PDE4B: variants seen among roughly 807,000 people sequenced by gnomAD.
PDE4B encodes 3',5'-cyclic-AMP phosphodiesterase 4B.
A neutral mutation model predicts 82.2 loss-of-function variants in PDE4B; 20 were observed. The observed-to-expected ratio is 0.24, with a 90% CI of 0.17 to 0.35. PDE4B has a LOEUF of 0.35. Among genes scored for constraint, PDE4B ranks in the 10% least tolerant of loss-of-function variants. The probability of loss-of-function intolerance (pLI) is 1.00; values close to 1 mark genes in which losing one functional copy is unlikely to be tolerated. For missense variants in PDE4B, 655 were observed against 907.2 expected, an observed-to-expected ratio of 0.72 and a Z score of 3.57; for synonymous variants, 320 against 318.9, an observed-to-expected ratio of 1.00 and a Z score of -0.04.
chr1:66,170,906 C>T (rs536469722), intron 3 of PDE4B, among the ~76,000 whole-genome samples: 168 of 152,200 alleles, frequency 1.1e-3, no homozygotes, highest in African/African-American at 3.6e-3. Context: ...AGGAGTATGG[C>T]CATACATTTT....
At chr1:65,846,981 A>G (rs1487528323) in intron 1 of PDE4B, among the ~76,000 whole-genome samples, 1 of 152,242 alleles carries the variant, frequency 6.6e-6, no homozygotes, top group Non-Finnish European at 1.5e-5. Context: ...AACTGTAACA[A>G]CAAAGCAGCA....
intron 3 of PDE4B, among the ~76,000 whole-genome samples, chr1:66,188,272 C>CCACATAGGTGGTCCAAATAGGTGTGG (rs1647371775): frequency 6.8e-6 from 1 of 147,618 alleles, no homozygotes; most frequent in Non-Finnish European, 1.5e-5. Context: ...GTCAATTTTG[C>CCACATAGGTGGTCCAAATAGGTGTGG]AATAGGTGTG....
intron 7 of PDE4B, chr1:66,266,663 A>G (rs559036256): frequency 1.3e-5 from 7 of 518,986 alleles, no homozygotes; most frequent in Middle Eastern, 3.2e-4. Flanking sequence ...CTAACCTCTC[A>G]TCTTTCAGGA....
At chr1:66,134,800 G>A (rs1646022540) in intron 3 of PDE4B, among the ~76,000 whole-genome samples, 1 of 152,164 alleles carries the variant, frequency 6.6e-6, no homozygotes, top group Admixed American at 6.5e-5. Context: ...TGTGCCATGT[G>A]CCAAATACTT....
At chr1:66,025,058 G>C (rs1653361423) in intron 3 of PDE4B, among the ~76,000 whole-genome samples, 2 of 151,900 alleles carry the variant, frequency 1.3e-5, no homozygotes, top group South Asian at 4.1e-4. Context: ...TTATAGCTTT[G>C]TTAATTATTT....
At chr1:66,364,567 G>A (rs903978015) in intron 12 of PDE4B, among the ~76,000 whole-genome samples, 3 of 152,170 alleles carry the variant, frequency 2.0e-5, no homozygotes, top group African/African-American at 7.2e-5. Flanking sequence ...GATTCAGTTT[G>A]GAAGGTGAAA....
intron 8 of PDE4B, among the ~76,000 whole-genome samples, chr1:66,340,010 C>T (rs550343459): frequency 6.6e-6 from 1 of 152,182 alleles, no homozygotes; most frequent in South Asian, 2.1e-4. Context: ...GTGGAGATAG[C>T]TCAGACATCT....
intron 1 of PDE4B, among the ~76,000 whole-genome samples, chr1:65,891,131 G>T (rs907922048): frequency 1.6e-4 from 24 of 152,116 alleles, no homozygotes; most frequent in African/African-American, 5.5e-4. Flanking sequence ...ATTATCATTT[G>T]CCATTTGTGG....
At chr1:65,967,680 T>C (rs1319255669) in intron 3 of PDE4B, among the ~76,000 whole-genome samples, 1 of 152,174 alleles carries the variant, frequency 6.6e-6, no homozygotes, top group African/African-American at 2.4e-5. Flanking sequence ...CATGGAATAC[T>C]ACGCAGCCAT....
At chr1:65,853,688 C>A (rs6698162) in intron 1 of PDE4B, among the ~76,000 whole-genome samples, 80,140 of 151,766 alleles carry the variant, frequency 0.53, 21,387 homozygotes, top group Non-Finnish European at 0.57. Flanking sequence ...CACCACCACG[C>A]ACAGCTAATT....
intron 3 of PDE4B, among the ~76,000 whole-genome samples, chr1:65,922,777 G>T: frequency 6.6e-6 from 1 of 152,174 alleles, no homozygotes; most frequent in Non-Finnish European, 1.5e-5. Context: ...GAGTAAGGCG[G>T]CAGAAAGAGG....
intron 1 of PDE4B, among the ~76,000 whole-genome samples, chr1:65,841,363 A>G (rs1646205504): frequency 6.8e-6 from 1 of 147,102 alleles, no homozygotes; most frequent in African/African-American, 2.5e-5. Flanking sequence ...AGAAAGAGAG[A>G]GAAAGGGAAA....
chr1:66,177,939 T>C (rs767460233), intron 3 of PDE4B, among the ~76,000 whole-genome samples: 2 of 151,958 alleles, frequency 1.3e-5, no homozygotes, highest in Non-Finnish European at 2.9e-5. Context: ...AAAAATCACT[T>C]TCTAAGATAC....
At chr1:66,119,447 T>A (rs1645664224) in intron 3 of PDE4B, among the ~76,000 whole-genome samples, 1 of 152,128 alleles carries the variant, frequency 6.6e-6, no homozygotes, top group African/African-American at 2.4e-5. Flanking sequence ...ATGGAGCGTA[T>A]CTTCAGACTG....
intron 3 of PDE4B, among the ~76,000 whole-genome samples, chr1:65,973,751 C>T (rs977512345): frequency 6.6e-6 from 1 of 152,020 alleles, no homozygotes; most frequent in South Asian, 2.1e-4. Context: ...TTAAAGAATT[C>T]TAATCTAAAG....
intron 8 of PDE4B, among the ~76,000 whole-genome samples, chr1:66,347,913 A>G (rs758439577): frequency 4.6e-5 from 7 of 152,164 alleles, no homozygotes; most frequent in Non-Finnish European, 1.0e-4. Context: ...CATGACCAAT[A>G]CGTAAGGGTT....
At chr1:66,038,862 C>T (rs1654202504) in intron 3 of PDE4B, among the ~76,000 whole-genome samples, 1 of 152,054 alleles carries the variant, frequency 6.6e-6, no homozygotes, top group Non-Finnish European at 1.5e-5. Context: ...TTAATGTCCA[C>T]GTGAAAATTA....
intron 8 of PDE4B, among the ~76,000 whole-genome samples, chr1:66,350,226 C>T (rs1661719331): frequency 6.6e-6 from 1 of 152,048 alleles, no homozygotes; most frequent in Admixed American, 6.6e-5. Flanking sequence ...CTAATAAAGT[C>T]ATTGTGACTT....
intron 3 of PDE4B, among the ~76,000 whole-genome samples, chr1:66,191,561 G>A (rs1647805958): frequency 6.6e-6 from 1 of 152,068 alleles, no homozygotes; most frequent in Non-Finnish European, 1.5e-5. Flanking sequence ...AGACTACCTA[G>A]GGTTATCAAT....
Sources: gnomAD v4.1 joint callset for allele counts (sites outside exome capture counted in the v4.1 genomes callset) on GRCh38, gnomAD v4.1.1 for gene constraint, MANE v1.5 for transcripts, NCBI Gene and HGNC (gene_info 2026-07-23, HGNC 2026-07-21) for gene names.